Variants in DCDC2C observed in about 807,000 individuals in gnomAD.
The protein encoded by DCDC2C is doublecortin domain-containing protein 2C.
Under a neutral mutation model 45.0 loss-of-function variants are expected in DCDC2C, and 44 were observed. That is an observed-to-expected ratio of 0.98 (90% CI 0.77 to 1.26). DCDC2C has a LOEUF of 1.26. Among genes scored for constraint, DCDC2C ranks in the 50% most tolerant of loss-of-function variants. The probability of loss-of-function intolerance (pLI) is 0.00; values close to 1 mark genes in which losing one functional copy is unlikely to be tolerated. For missense variants in DCDC2C, 447 were observed against 468.9 expected (o/e 0.95, Z 0.43); for synonymous variants, 187 against 178.8 (o/e 1.05, Z -0.37).
intron 10 of DCDC2C, among the ~76,000 whole-genome samples, chr2:3,827,234 C>T (rs1671844507): frequency 1.3e-5 from 2 of 152,030 alleles, no homozygotes. Context: ...TGCCTGAAGG[C>T]TACATATGGA....
chr2:3,783,660 C>T (rs1256851552), intron 9 of DCDC2C, among the ~76,000 whole-genome samples: 1 of 152,228 alleles, frequency 6.6e-6, no homozygotes, highest in African/African-American at 2.4e-5. Flanking sequence ...GATAGAGACT[C>T]TGGAAGATAT....
At chr2:3,820,724 A>G (rs1671668602) in intron 10 of DCDC2C, among the ~76,000 whole-genome samples, 1 of 152,148 alleles carries the variant, frequency 6.6e-6, no homozygotes, top group Non-Finnish European at 1.5e-5. Flanking sequence ...GAGGGTAGCA[A>G]GAGAGGGAGA....
intron 4 of DCDC2C, 46 bp from the exon 5 acceptor site, chr2:3,752,717 A>C (rs925285125): frequency 6.5e-7 from 1 of 1,546,040 alleles, no homozygotes. Context: ...GCCCTATGCT[A>C]CTGGTCCTCA....
chr2:3,718,504 C>G (rs1271737733), intron 2 of DCDC2C, among the ~76,000 whole-genome samples: 1 of 152,114 alleles, frequency 6.6e-6, no homozygotes, highest in Non-Finnish European at 1.5e-5. Flanking sequence ...ATTCACGTGG[C>G]CAGACCCCAG....
At chr2:3,824,770 C>A (rs1337177879) in intron 10 of DCDC2C, among the ~76,000 whole-genome samples, 1 of 151,934 alleles carries the variant, frequency 6.6e-6, no homozygotes, top group Non-Finnish European at 1.5e-5. Context: ...TGATACTTGT[C>A]ACTGGATGCC....
intron 2 of DCDC2C, among the ~76,000 whole-genome samples, chr2:3,708,917 A>G (rs773095369): frequency 2.6e-5 from 4 of 152,252 alleles, no homozygotes; most frequent in Non-Finnish European, 5.9e-5. Flanking sequence ...TCTCAGGAAA[A>G]GTTATTTAGA....
chr2:3,711,825 T>C (rs1435101372), intron 2 of DCDC2C, among the ~76,000 whole-genome samples: 2 of 152,264 alleles, frequency 1.3e-5, no homozygotes, highest in African/African-American at 4.8e-5. Context: ...TATTTACTTC[T>C]GGATTGGATT....
rs1440807483 is a variant in DCDC2C, at chr2:3,708,551, A to G, written c.290A>G (p.Tyr97Cys). The G allele has an allele frequency of 3.2e-6, 5 of 1,544,032 alleles. No homozygotes were observed. In the East Asian group the frequency reaches 7.4e-5, roughly 23 times the overall value. The part of the protein sequence containing the change: ...AGRERFKELD[Y>C]IHIVPRKPAK... ...TTTTCTTCTTTCTTCTTTTGCAGTT[A>G]TATTCATATAGTTCCCCGAAAACCT... The change falls in exon 2 of 11, where the codon TAT becomes TGT. Residue 97 changes from tyrosine (Y) to cysteine (C), a missense_variant and splice_region_variant. Tyr to Cys is a radical substitution (Grantham distance 194). Coordinates refer to ENST00000399143, the MANE Select transcript of DCDC2C (RefSeq NM_001287444.2).
In DCDC2C at chr2:3,752,981, A is replaced by G. The variant is rs116805726; in HGVS notation, c.683+81A>G. The G allele has an allele frequency of 4.6e-4, 645 of 1,395,120 alleles. 1 individual carries two copies. Among genetic ancestry groups the G allele is most frequent in the South Asian group, 1.6e-3 (114 of 72,772 alleles). 86.4% of individuals were successfully genotyped at this position (1,395,120 alleles called of 1,614,324 possible). A position where few individuals can be genotyped will look rare whatever the true frequency, so the allele number is the denominator to read the frequency against. On this transcript the variant is annotated intron_variant, in intron 5 of 10. Transcript: ENST00000399143. ...CCCAGTATCTCTCCCAAATAGGTCC[A>G]GTTCAGCTATTGGTTATTTTTCAGT...
chr2:3,839,346 C>G (rs116586115), intron 10 of DCDC2C, among the ~76,000 whole-genome samples: 1 of 152,300 alleles, frequency 6.6e-6, no homozygotes, highest in Non-Finnish European at 1.5e-5. Context: ...CAAATTTGAG[C>G]CTGACATCTT....
chr2:3,729,773 G>A (rs978191459), intron 3 of DCDC2C, among the ~76,000 whole-genome samples: 1 of 152,178 alleles, frequency 6.6e-6, no homozygotes, highest in Admixed American at 6.5e-5. Flanking sequence ...GGTGTTGGCT[G>A]GATGAACAGT....
At chr2:3,789,529 G>T (rs1670750531) in intron 10 of DCDC2C, among the ~76,000 whole-genome samples, 1 of 152,154 alleles carries the variant, frequency 6.6e-6, no homozygotes, top group African/African-American at 2.4e-5. Flanking sequence ...TCATCCTTCA[G>T]GAAGCATACT....
intron 6 of DCDC2C, among the ~76,000 whole-genome samples, chr2:3,759,791 G>A (rs150418589): frequency 8.7e-4 from 133 of 152,338 alleles, no homozygotes; most frequent in African/African-American, 2.8e-3. Flanking sequence ...ATCTGCTTCC[G>A]TGTTTGTCTG....
intron 6 of DCDC2C, among the ~76,000 whole-genome samples, chr2:3,766,362 T>C (rs987224815): frequency 6.6e-6 from 1 of 152,012 alleles, no homozygotes; most frequent in East Asian, 1.9e-4. Flanking sequence ...GCCAAAGTTA[T>C]GGAAAATGTG....
chr2:3,730,116 T>C (rs771665372), intron 3 of DCDC2C, among the ~76,000 whole-genome samples: 3 of 152,028 alleles, frequency 2.0e-5, no homozygotes, highest in Non-Finnish European at 2.9e-5. Context: ...ACGAGGGTGG[T>C]ATGCATCAGG....
intron 10 of DCDC2C, among the ~76,000 whole-genome samples, chr2:3,829,779 C>T (rs980830978): frequency 2.6e-5 from 4 of 152,284 alleles, no homozygotes; most frequent in Non-Finnish European, 2.9e-5. Flanking sequence ...CTCTGGGTTT[C>T]GGGGCCTTCG....
chr2:3,778,889 G>A lies in DCDC2C; in HGVS notation c.1023+5G>A. ...CCTGATTTTGAGGGCAACAAGGTGAGTTCATTTTATTTTGTGTTTAATGGC... is the reference window on the plus strand; with the variant it reads ...CCTGATTTTGAGGGCAACAAGGTGAATTCATTTTATTTTGTGTTTAATGGC... On this transcript the variant is annotated splice_donor_5th_base_variant and intron_variant, in intron 9 of 10. Coordinates refer to ENST00000399143, the MANE Select transcript of DCDC2C (RefSeq NM_001287444.2). 2 of 1,550,640 alleles carry A rather than the reference G, an allele frequency of 1.3e-6. No homozygotes were observed. The highest frequency in any genetic ancestry group is 1.7e-6 in the Non-Finnish European group (2 of 1,146,862).
intron 2 of DCDC2C, among the ~76,000 whole-genome samples, chr2:3,711,610 G>A (rs574498850): frequency 6.6e-6 from 1 of 152,152 alleles, no homozygotes; most frequent in Non-Finnish European, 1.5e-5. Flanking sequence ...TGCTCTAGGA[G>A]GATGTGATTT....
intron 3 of DCDC2C, among the ~76,000 whole-genome samples, chr2:3,741,694 TACAC>T (rs553941059): frequency 6.8e-6 from 1 of 147,338 alleles, no homozygotes; most frequent in South Asian, 2.1e-4. Context: ...AAAGCACACA[TACAC>T]ACACACACAT....
Sources: allele counts gnomAD v4.1 joint callset (sites outside exome capture counted in the v4.1 genomes callset), GRCh38; gene constraint gnomAD v4.1.1; transcripts MANE v1.5; gene names NCBI Gene and HGNC (gene_info 2026-07-23, HGNC 2026-07-21).